TNRC18: variants seen among roughly 807,000 people sequenced by gnomAD.
The protein encoded by TNRC18 is trinucleotide repeat-containing gene 18 protein.
In TNRC18, 69 loss-of-function variants were observed where a neutral mutation model predicts 226.7. The ratio of observed to expected loss-of-function variants is 0.30; its 90% CI spans 0.25 to 0.37. TNRC18 has a LOEUF of 0.37. Ranked by LOEUF, TNRC18 falls within the 10% of genes least tolerant of loss-of-function variation. The pLI is 1.00. For synonymous variants in TNRC18, 2,449 were observed against 1,927.6 expected (o/e 1.27, Z -7.09); for missense variants, 4,754 against 4,256.6 (o/e 1.12, Z -3.25).
At chr7:5,342,614 A>G (rs771982204) in intron 18 of TNRC18, among the ~76,000 whole-genome samples, 4 of 152,132 alleles carry the variant, frequency 2.6e-5, no homozygotes, top group Non-Finnish European at 4.4e-5. Flanking sequence ...AAAGATGAGG[A>G]GCTGCTTTTT....
intron 5 of TNRC18, among the ~76,000 whole-genome samples, chr7:5,380,301 C>T (rs55902729): frequency 0.19 from 29,469 of 152,186 alleles, 3,075 homozygotes; most frequent in South Asian, 0.26. Context: ...AAAAAATTAG[C>T]CAGGCATGGT....
chr7:5,407,780 A>G (rs1359762885), intron 2 of TNRC18, among the ~76,000 whole-genome samples: 1 of 152,218 alleles, frequency 6.6e-6, no homozygotes, highest in Admixed American at 6.5e-5. Context: ...TGCAATCACA[A>G]AGGATTTCCC....
intron 17 of TNRC18, among the ~76,000 whole-genome samples, chr7:5,346,611 CCAGCCTGGGCAACG>C (rs2128140740): frequency 6.6e-6 from 1 of 152,294 alleles, no homozygotes; most frequent in Non-Finnish European, 1.5e-5. Flanking sequence ...GAGTTCCAGA[CCAGCCTGGGCAACG>C]CAGAGTCCCC....
chr7:5,309,318 C>T lies in TNRC18; in HGVS notation c.8439G>A (p.Val2813=). The change falls in exon 28 of 30, where the codon GTG becomes GTA. Residue 2813 remains valine (V), a synonymous_variant. Coordinates refer to ENST00000430969, the MANE Select transcript of TNRC18 (RefSeq NM_001080495.3). This position sits in a 1 kb window ranked among gnomAD's most constrained non-coding sequence, Gnocchi z 5.7. The part of the protein sequence containing the change: ...KARKLFYKAI[V]RGKEMIRIGD... ...CGATACGGATCATCTCCTTGCCGCG[C>T]ACGATGGCCTTGTAGAAGAGCTTGC... is the stretch of plus-strand genomic sequence containing the variant. The T allele has an allele frequency of 6.2e-7, 1 of 1,613,920 alleles. No individual in the cohort carries two copies. Among genetic ancestry groups the T allele is most frequent in the Non-Finnish European group, 8.5e-7 (1 of 1,179,828 alleles).
intron 5 of TNRC18, among the ~76,000 whole-genome samples, chr7:5,384,603 C>T (rs552156754): frequency 9.9e-5 from 15 of 152,186 alleles, no homozygotes; most frequent in African/African-American, 3.4e-4. Context: ...CTCCAGTGAC[C>T]GTGAGCCCCC....
intron 2 of TNRC18, among the ~76,000 whole-genome samples, chr7:5,406,075 T>A (rs1184510030): frequency 1.3e-5 from 2 of 152,146 alleles, no homozygotes; most frequent in African/African-American, 4.8e-5. Flanking sequence ...TGGAATATTA[T>A]TCAGCCCTGA....
rs552926632 is a variant in TNRC18, at chr7:5,381,909, T to G, written c.2153-3885A>C. On this transcript the variant is annotated intron_variant, in intron 5 of 29. Transcript: ENST00000430969. ...TGAACCCGGGAGGCGGAGGTTGCAG[T>G]GAGCCAAGATCACAGCACTGCACTC... is the stretch of plus-strand genomic sequence containing the variant. 1.6e-4 allele frequency among the ~76,000 whole-genome samples: 24 copies of G among 152,226 alleles called. No individual in the cohort carries two copies. The East Asian group carries it at 4.4e-3, about 28-fold the overall frequency.
At position 5,370,095 on chromosome 7, in the gene TNRC18, C is replaced by T. The variant is rs1794002508; in HGVS notation, c.4219+280G>A. 2.0e-5 allele frequency among the ~76,000 whole-genome samples: 3 copies of T among 152,190 alleles called. No homozygotes were observed. In the South Asian group the frequency reaches 6.2e-4, roughly 32 times the overall value. ...TTTGGGAGGTCAAGGTGGGCAAAATCACTTGAGTCCAGGAGTTTGAGACCA... is the reference window on the plus strand; with the variant it reads ...TTTGGGAGGTCAAGGTGGGCAAAATTACTTGAGTCCAGGAGTTTGAGACCA... On this transcript the variant is annotated intron_variant, in intron 11 of 29. Coordinates refer to ENST00000430969, the MANE Select transcript of TNRC18 (RefSeq NM_001080495.3).
At position 5,313,612 on chromosome 7, in the gene TNRC18, G is replaced by C; in HGVS notation, c.7279C>G (p.Leu2427Val). Residue 2427 changes from leucine (L) to valine (V), a missense_variant, in exon 27 of 30, where the codon CTC (leucine) becomes GTC (valine). Physicochemically the swap from Leu to Val is conservative, Grantham distance 32. Transcript: ENST00000430969. ...APATSLAPAPLITMPATRPKP... is the reference protein window; with the variant it reads ...APATSLAPAPVITMPATRPKP... ...GGGCGTGTGGCAGGCATGGTGATGA[G>C]GGGTGCTGGGGCCAGGGAGGTGGCA... 6.2e-7 allele frequency: 1 copy of C among 1,603,360 alleles called. No homozygotes were observed. The highest frequency in any genetic ancestry group is 8.5e-7 in the Non-Finnish European group (1 of 1,175,938).
intron 2 of TNRC18, among the ~76,000 whole-genome samples, chr7:5,399,445 G>C (rs892821023): frequency 6.6e-6 from 1 of 152,194 alleles, no homozygotes; most frequent in African/African-American, 2.4e-5. Flanking sequence ...GGGCACAGTG[G>C]CTCACACCTA....
chr7:5,317,441 A>C (rs1306176148), intron 24 of TNRC18, among the ~76,000 whole-genome samples: 2 of 152,084 alleles, frequency 1.3e-5, no homozygotes, highest in African/African-American at 2.4e-5. Flanking sequence ...AATACAAAAA[A>C]TTAGCCGGGC....
chr7:5,421,422 A>G lies in TNRC18; in HGVS notation c.-176T>C, dbSNP rs1403198599. On this transcript the variant is annotated 5_prime_UTR_variant, in exon 2 of 30. Transcript: ENST00000430969. Reference sequence around the variant, plus strand: ...GCGGCGGGCCCGCGGCCCGGGGCGCACAGGCGGCCGGCGGTGGGGCCCCTC... The same window carrying G: ...GCGGCGGGCCCGCGGCCCGGGGCGCGCAGGCGGCCGGCGGTGGGGCCCCTC... 1.3e-5 allele frequency: 5 copies of G among 377,176 alleles called. No homozygotes were observed. The highest frequency in any genetic ancestry group is 1.8e-5 in the Non-Finnish European group (5 of 274,278). 23.4% of individuals were successfully genotyped at this position (377,176 alleles called of 1,614,324 possible).
intron 11 of TNRC18, among the ~76,000 whole-genome samples, chr7:5,366,829 C>T (rs114157611): frequency 0.01 from 1,533 of 152,312 alleles, 29 homozygotes; most frequent in African/African-American, 0.031. Context: ...CTGTCACCTC[C>T]TTCACCCTCC....
At chr7:5,393,769 T>C (rs58308188) in intron 3 of TNRC18, among the ~76,000 whole-genome samples, 3,441 of 152,242 alleles carry the variant, frequency 0.023, 144 homozygotes, top group African/African-American at 0.078. Context: ...ATCCAGAATC[T>C]GCTCACGACC....
At chr7:5,363,801 A>G (rs180692494) in intron 11 of TNRC18, among the ~76,000 whole-genome samples, 1 of 152,098 alleles carries the variant, frequency 6.6e-6, no homozygotes, top group African/African-American at 2.4e-5. Flanking sequence ...GAATATGCAT[A>G]GCTCTTATAA....
Position 5,332,785 on chromosome 7 carries a change from G to A in TNRC18, c.5984C>T (p.Thr1995Met), listed in dbSNP as rs780692102. 3.3e-6 allele frequency: 5 copies of A among 1,513,856 alleles called. No homozygotes were observed. Among genetic ancestry groups the A allele is most frequent in the East Asian group, 2.6e-5 (1 of 38,760 alleles). The allele number at this position is 1,513,856 out of a possible 1,614,324, so 93.8% of individuals were successfully genotyped here. A position where few individuals can be genotyped will look rare whatever the true frequency, so the allele number is the denominator to read the frequency against. ...GAAGATGCGCTCGCTGCGGCGCCGC[G>A]TCCACAGGTCGTCGTCGCTGGCCTC... Reference protein sequence around the residue: ...GPEASDDDLWTRRRSERIFLH... With the variant: ...GPEASDDDLWMRRRSERIFLH... Residue 1995 changes from threonine to methionine, a missense_variant, in exon 19 of 30, where the codon ACG becomes ATG. Transcript: ENST00000430969.
At chr7:5,374,558 C>T in intron 9 of TNRC18, 74 bp from the exon 10 acceptor site, 2 of 1,436,438 alleles carry the variant, frequency 1.4e-6, no homozygotes, top group Non-Finnish European at 1.8e-6. Flanking sequence ...CTGCCCTGTC[C>T]CCCCAAGGGT....
At chr7:5,334,170 C>G (rs895740165) in intron 18 of TNRC18, among the ~76,000 whole-genome samples, 2 of 152,228 alleles carry the variant, frequency 1.3e-5, no homozygotes, top group South Asian at 4.1e-4. Context: ...GCCTACTGAC[C>G]CCGGGGGGCA....
chr7:5,315,634 G>C (rs562076038), intron 25 of TNRC18, among the ~76,000 whole-genome samples: 80 of 152,238 alleles, frequency 5.3e-4, no homozygotes, highest in Middle Eastern at 3.4e-3. Flanking sequence ...ATATTGGCTG[G>C]GATGGTCTCG....
Sources: gnomAD v4.1 joint callset for allele counts (sites outside exome capture counted in the v4.1 genomes callset) on GRCh38, gnomAD v4.1.1 for gene constraint, Gnocchi (gnomAD v3.1) non-coding constraint, MANE v1.5 for transcripts, NCBI Gene and HGNC (gene_info 2026-07-23, HGNC 2026-07-21) for gene names.